The following MEIKIN variants were observed in gnomAD, a reference collection of about 807,000 sequenced individuals.
MEIKIN encodes meiotic kinetochore factor.
At chr5:131,839,358 C>T (rs1580867014) in intron 11 of MEIKIN, among the ~76,000 whole-genome samples, 1 of 151,914 alleles carries the variant, frequency 6.6e-6, no homozygotes, top group South Asian at 2.1e-4. Context: ...TCTGTAGATG[C>T]CTATCAGGTC....
intron 5 of MEIKIN, among the ~76,000 whole-genome samples, chr5:131,927,692 C>T (rs1751610385): frequency 6.6e-6 from 1 of 151,972 alleles, no homozygotes; most frequent in Non-Finnish European, 1.5e-5. Context: ...TGAATTGACC[C>T]TTTTATTATT....
chr5:131,840,293 T>G (rs1263078549), intron 11 of MEIKIN, among the ~76,000 whole-genome samples: 1 of 152,164 alleles, frequency 6.6e-6, no homozygotes, highest in Non-Finnish European at 1.5e-5. Flanking sequence ...GCCTTTAACC[T>G]TTTTTCTTTC....
chr5:131,860,600 A>G (rs1022314596), intron 9 of MEIKIN, among the ~76,000 whole-genome samples: 2 of 108,402 alleles, frequency 1.8e-5, no homozygotes, highest in African/African-American at 7.3e-5. Context: ...ACCCACCACC[A>G]TGCCAGGATA....
chr5:131,911,874 A>T lies in MEIKIN; in HGVS notation c.644T>A (p.Met215Lys), dbSNP rs1751339883. ...DYQKCHRKTVMTVADQNVSPK... is the reference protein window; with the variant it reads ...DYQKCHRKTVKTVADQNVSPK... ...AGAAACATTTTGATCTGCTACTGTC[A>T]TCACTCTATAACAAGAACAAACTGT... The change falls in exon 8 of 13, where the codon ATG (methionine) becomes AAG (lysine). Residue 215 changes from methionine to lysine, a missense_variant. By Grantham distance (95) the Met-to-Lys change is moderately conservative. Coordinates refer to ENST00000442687, the MANE Select transcript of MEIKIN (RefSeq NM_001303622.2). The T allele has an allele frequency of 2.5e-6, 1 of 397,672 alleles. No homozygotes were observed. Among genetic ancestry groups the T allele is most frequent in the African/African-American group, 2.1e-5 (1 of 48,588 alleles). The allele number at this position is 397,672 out of a possible 1,614,324, so 24.6% of individuals were successfully genotyped here.
chr5:131,847,133 G>A (rs972221949), intron 11 of MEIKIN, among the ~76,000 whole-genome samples: 3 of 151,976 alleles, frequency 2.0e-5, no homozygotes, highest in African/African-American at 7.2e-5. Context: ...CAGTAATGTA[G>A]AAAGTGAAGG....
intron 8 of MEIKIN, among the ~76,000 whole-genome samples, chr5:131,889,086 C>T (rs1168033121): frequency 3.3e-5 from 5 of 152,096 alleles, no homozygotes; most frequent in Admixed American, 3.3e-4. Flanking sequence ...GTTTTGGTAC[C>T]AGTACCATGC....
intron 12 of MEIKIN, among the ~76,000 whole-genome samples, chr5:131,808,964 T>C (rs765702742): frequency 2.0e-5 from 3 of 152,126 alleles, no homozygotes; most frequent in Non-Finnish European, 4.4e-5. Flanking sequence ...TAGTCCTAGC[T>C]ACGTGGCAGA....
chr5:131,848,978 C>T (rs1255720801), intron 11 of MEIKIN, among the ~76,000 whole-genome samples: 1 of 152,194 alleles, frequency 6.6e-6, no homozygotes, highest in African/African-American at 2.4e-5. Context: ...ATCTTCTCAA[C>T]TGATGCTGAA....
At chr5:131,938,320 G>A (rs368612554) in intron 4 of MEIKIN, among the ~76,000 whole-genome samples, 4 of 151,650 alleles carry the variant, frequency 2.6e-5, no homozygotes, top group Admixed American at 6.6e-5. Context: ...GGTGCACACC[G>A]CCATGCCCGG....
intron 9 of MEIKIN, among the ~76,000 whole-genome samples, chr5:131,866,699 G>A (rs1028325978): frequency 6.6e-6 from 1 of 152,196 alleles, no homozygotes; most frequent in Non-Finnish European, 1.5e-5. Context: ...CAGGAGGGAG[G>A]GAAGGTGAGA....
chr5:131,936,020 T>G (rs1751770578), intron 4 of MEIKIN, among the ~76,000 whole-genome samples: 1 of 152,188 alleles, frequency 6.6e-6, no homozygotes, highest in Admixed American at 6.5e-5. Flanking sequence ...ACATATTGTA[T>G]CTGTCTTGCC....
chr5:131,826,718 T>C (rs1749614240), intron 11 of MEIKIN, among the ~76,000 whole-genome samples: 1 of 152,122 alleles, frequency 6.6e-6, no homozygotes, highest in African/African-American at 2.4e-5. Context: ...ATTTGGTTGA[T>C]ACGTGTGTGG....
At chr5:131,902,406 C>T (rs1751173932) in intron 8 of MEIKIN, among the ~76,000 whole-genome samples, 1 of 151,956 alleles carries the variant, frequency 6.6e-6, no homozygotes, top group African/African-American at 2.4e-5. Flanking sequence ...GCACTCTAGC[C>T]TGGGTGACAG....
At position 131,912,098 on chromosome 5, in the gene MEIKIN, T is replaced by C. The variant is rs79150432; in HGVS notation, c.639-219A>G. On this transcript the variant is annotated intron_variant, in intron 7 of 12. Coordinates refer to ENST00000442687, the MANE Select transcript of MEIKIN (RefSeq NM_001303622.2). ...ATTTATGAGTGTGAAACAATATGCG[T>C]AGAGGACAGGGCATAGTGTTTAGAA... Among the ~76,000 whole-genome samples the C allele has an allele frequency of 4.2e-3, 642 of 152,174 alleles. 7 individuals are homozygous for C. Among genetic ancestry groups the C allele is most frequent in the African/African-American group, 0.015 (608 of 41,550 alleles).
intron 11 of MEIKIN, among the ~76,000 whole-genome samples, chr5:131,843,624 G>C (rs901533392): frequency 1.3e-5 from 2 of 152,204 alleles, no homozygotes; most frequent in Admixed American, 1.3e-4. Flanking sequence ...AGCATAGCAA[G>C]AGTAACCTTT....
intron 12 of MEIKIN, among the ~76,000 whole-genome samples, chr5:131,817,725 GTA>G (rs1255802732): frequency 6.6e-6 from 1 of 152,082 alleles, no homozygotes; most frequent in Non-Finnish European, 1.5e-5. Flanking sequence ...ACTGAATTGA[GTA>G]TTCAAGGAAC....
intron 7 of MEIKIN, among the ~76,000 whole-genome samples, chr5:131,912,907 T>A (rs62384092): frequency 6.6e-6 from 1 of 152,318 alleles, no homozygotes; most frequent in East Asian, 1.9e-4. Context: ...TTCATCTCTG[T>A]TTCTTGTTCT....
chr5:131,873,002 T>G (rs1750535534), intron 9 of MEIKIN, among the ~76,000 whole-genome samples: 1 of 152,132 alleles, frequency 6.6e-6, no homozygotes. Flanking sequence ...AAGGAAGCAC[T>G]AAACATGGAA....
At chr5:131,861,105 A>G (rs1481618110) in intron 9 of MEIKIN, among the ~76,000 whole-genome samples, 1 of 151,888 alleles carries the variant, frequency 6.6e-6, no homozygotes, top group Non-Finnish European at 1.5e-5. Context: ...TAAAAATAAG[A>G]ATAGGCCAAG....
Sources: gnomAD v4.1 joint callset for allele counts (sites outside exome capture counted in the v4.1 genomes callset) on GRCh38, gnomAD v4.1.1 for gene constraint, MANE v1.5 for transcripts, NCBI Gene and HGNC (gene_info 2026-07-23, HGNC 2026-07-21) for gene names.